COLEC11: variants seen among roughly 807,000 people sequenced by gnomAD.
COLEC11 encodes the protein collectin subfamily member 11.
COLEC11 carries 20 observed loss-of-function variants against 27.3 expected under a neutral mutation model. The ratio of observed to expected loss-of-function variants is 0.73; its 90% confidence interval spans 0.51 to 1.06. The LOEUF is 1.06. Ranked by LOEUF, COLEC11 falls within the 50% of genes least tolerant of loss-of-function variation. COLEC11 has a pLI of 0.00. For missense variants in COLEC11, 310 were observed against 383.0 expected, an observed-to-expected ratio of 0.81 and a Z score of 1.59; for synonymous variants, 163 against 154.7, an observed-to-expected ratio of 1.05 and a Z score of -0.40.
At chr2:3,626,335 T>C (rs1209742823) in intron 3 of COLEC11, among the ~76,000 whole-genome samples, 1 of 152,232 alleles carries the variant, frequency 6.6e-6, no homozygotes, top group East Asian at 1.9e-4. Context: ...TGGGCCTGTC[T>C]GTATCGTGGC....
intron 3 of COLEC11, among the ~76,000 whole-genome samples, chr2:3,631,968 G>T (rs908501566): frequency 1.3e-5 from 2 of 152,202 alleles, no homozygotes; most frequent in East Asian, 3.9e-4. Context: ...AGTCTCACAG[G>T]CTGGGGCCTA....
At chr2:3,629,104 G>C (rs1334296658) in intron 3 of COLEC11, among the ~76,000 whole-genome samples, 1 of 152,208 alleles carries the variant, frequency 6.6e-6, no homozygotes, top group Non-Finnish European at 1.5e-5. Flanking sequence ...TAGGGCTCTT[G>C]TTCTCATCTG....
intron 3 of COLEC11, among the ~76,000 whole-genome samples, chr2:3,636,348 G>C (rs537510531): frequency 6.6e-6 from 1 of 152,166 alleles, no homozygotes; most frequent in Non-Finnish European, 1.5e-5. Flanking sequence ...CCAGCTACTC[G>C]GGAGGCTGAG....
chr2:3,613,499 G>A, intron 3 of COLEC11, 117 bp downstream of exon 3: 1 of 1,073,218 alleles, frequency 9.3e-7, no homozygotes, highest in Non-Finnish European at 1.4e-6. Flanking sequence ...TGCCCTCTGG[G>A]TCCCAGGGAG....
intron 3 of COLEC11, among the ~76,000 whole-genome samples, chr2:3,631,740 C>G (rs572725393): frequency 7.6e-4 from 115 of 151,964 alleles, no homozygotes; most frequent in South Asian, 1.5e-3. Context: ...GGGGACTCTG[C>G]TCGGAGGGGG....
chr2:3,615,828 GAC>G (rs1218559742), intron 3 of COLEC11, among the ~76,000 whole-genome samples: 2 of 27,772 alleles, frequency 7.2e-5, no homozygotes, highest in Non-Finnish European at 1.0e-4. Context: ...CTCCCTCCCG[GAC>G]GCGGCGGCTG....
In COLEC11 at chr2:3,616,307, C is replaced by G; in HGVS notation, c.202+2925C>G. Among the ~76,000 whole-genome samples the G allele has an allele frequency of 2.0e-5, 3 of 149,944 alleles. 1 individual carries two copies. The South Asian group carries it at 6.3e-4, about 32-fold the overall frequency. On this transcript the variant is annotated intron_variant, in intron 3 of 6. Transcript: ENST00000349077. Reference sequence around the variant, plus strand: ...GCCGGGCAGAGGGGCTCCTCACATCCGAGACTATGGGCGGCCAGGCAGAGA... The same window carrying G: ...GCCGGGCAGAGGGGCTCCTCACATCGGAGACTATGGGCGGCCAGGCAGAGA...
chr2:3,640,043 T>C (rs1665731934), intron 4 of COLEC11, among the ~76,000 whole-genome samples: 1 of 152,184 alleles, frequency 6.6e-6, no homozygotes, highest in Non-Finnish European at 1.5e-5. Flanking sequence ...CCAGAACTGA[T>C]TTAAAGAATG....
chr2:3,616,123 G>T (rs1444446722), intron 3 of COLEC11, among the ~76,000 whole-genome samples: 1 of 151,088 alleles, frequency 6.6e-6, no homozygotes, highest in Non-Finnish European at 1.5e-5. Context: ...ACCACACGGG[G>T]TCGTGGCTGG....
At chr2:3,613,446 C>G (rs115992461) in intron 3 of COLEC11, 64 bp downstream of exon 3, 122 of 1,416,508 alleles carry the variant, frequency 8.6e-5, no homozygotes, top group East Asian at 4.1e-4. Context: ...CTGCTAGAGC[C>G]GGGTGGGGAG....
chr2:3,599,207 T>C (rs747912711), intron 1 of COLEC11, among the ~76,000 whole-genome samples: 2 of 152,172 alleles, frequency 1.3e-5, no homozygotes, highest in Non-Finnish European at 2.9e-5. Flanking sequence ...GTGCAGTGTA[T>C]GGGAGTTATT....
intron 1 of COLEC11, among the ~76,000 whole-genome samples, chr2:3,598,901 A>G (rs552737243): frequency 5.8e-4 from 89 of 152,308 alleles, no homozygotes; most frequent in African/African-American, 2.1e-3. Context: ...TGGGAATTAA[A>G]TCAGATATGT....
chr2:3,604,564 A>C, intron 2 of COLEC11, 94 bp downstream of exon 2: 1 of 1,401,874 alleles, frequency 7.1e-7, no homozygotes, highest in Non-Finnish European at 1.0e-6. Flanking sequence ...GAAAAGCACA[A>C]AGCCCCAGCA....
At chr2:3,617,981 T>C (rs1663899900) in intron 3 of COLEC11, among the ~76,000 whole-genome samples, 2 of 152,260 alleles carry the variant, frequency 1.3e-5, no homozygotes, top group African/African-American at 4.8e-5. Flanking sequence ...GTTGGACATT[T>C]GTATGTCTTC....
intron 3 of COLEC11, among the ~76,000 whole-genome samples, chr2:3,632,705 C>T (rs1249137982): frequency 6.6e-6 from 1 of 152,136 alleles, no homozygotes; most frequent in Non-Finnish European, 1.5e-5. Context: ...CTGAAATCAG[C>T]GTGTACGTGT....
At chr2:3,613,500 T>A in intron 3 of COLEC11, 118 bp downstream of exon 3, 1 of 1,063,098 alleles carries the variant, frequency 9.4e-7, no homozygotes, top group Non-Finnish European at 1.4e-6. Flanking sequence ...GCCCTCTGGG[T>A]CCCAGGGAGG....
chr2:3,629,908 A>T (rs993677708), intron 3 of COLEC11, among the ~76,000 whole-genome samples: 1 of 152,204 alleles, frequency 6.6e-6, no homozygotes, highest in Non-Finnish European at 1.5e-5. Context: ...AGTTTTATGT[A>T]TGTGTATATG....
In COLEC11 at chr2:3,638,127, G is replaced by A. The variant is rs367982803; in HGVS notation, c.274+523G>A. Among the ~76,000 whole-genome samples, 24 of 152,346 alleles carry A rather than the reference G, an allele frequency of 1.6e-4. No homozygotes were observed. The East Asian group carries it at 2.1e-3, about 13-fold the overall frequency. ...TGCACCTGCGGGTTCTAATTGCACC[G>A]TCTCCGCTGCTGCATTTGGCTGCAC... is the stretch of plus-strand genomic sequence containing the variant. On this transcript the variant is annotated intron_variant, in intron 4 of 6. Coordinates refer to ENST00000349077, the MANE Select transcript of COLEC11 (RefSeq NM_024027.5).
Position 3,629,979 on chromosome 2 carries a change from T to C in COLEC11, c.203-7554T>C, listed in dbSNP as rs1664856808. On this transcript the variant is annotated intron_variant, in intron 3 of 6. Transcript: ENST00000349077. ...TACATGCTATGTGTGGTTGTATTTA[T>C]ACATAAATGCATGAATGTGTGCATG... 2.6e-5 allele frequency among the ~76,000 whole-genome samples: 4 copies of C among 152,244 alleles called. No homozygotes were observed. The South Asian group carries it at 8.3e-4, about 31-fold the overall frequency.
Sources: gnomAD v4.1 joint callset for allele counts (sites outside exome capture counted in the v4.1 genomes callset) on GRCh38, gnomAD v4.1.1 for gene constraint, MANE v1.5 for transcripts, NCBI Gene and HGNC (gene_info 2026-07-23, HGNC 2026-07-21) for gene names.